The following SORCS1 variants were observed in gnomAD, a reference collection of about 807,000 sequenced individuals.
SORCS1 encodes the protein VPS10 domain-containing receptor SorCS1.
SORCS1 carries 60 observed loss-of-function variants against 146.1 expected under a neutral mutation model. That is an observed-to-expected ratio of 0.41 (90% confidence interval 0.33 to 0.51). The LOEUF (loss-of-function observed/expected upper bound fraction) is 0.51, where lower values mean the gene tolerates loss of function less well. Among genes scored for constraint, SORCS1 ranks in the 20% least tolerant of loss-of-function variants. The pLI, the probability that SORCS1 is intolerant of heterozygous loss-of-function variation, is 0.21. For synonymous variants in SORCS1, 637 were observed against 584.0 expected (o/e 1.09, Z -1.31); for missense variants, 1,352 against 1,487.6 (o/e 0.91, Z 1.50).
intron 2 of SORCS1, among the ~76,000 whole-genome samples, chr10:106,921,430 A>C (rs373745598): frequency 2.0e-5 from 3 of 152,206 alleles, no homozygotes; most frequent in African/African-American, 7.2e-5. Flanking sequence ...GCATAATTTC[A>C]TCTAGATATA....
intron 23 of SORCS1, among the ~76,000 whole-genome samples, chr10:106,601,095 C>T (rs921138334): frequency 3.3e-5 from 5 of 152,040 alleles, no homozygotes; most frequent in South Asian, 2.1e-4. Context: ...GGAGAGTCTT[C>T]GGCTATAGAA....
At chr10:106,638,004 A>G (rs1297420201) in intron 18 of SORCS1, among the ~76,000 whole-genome samples, 1 of 152,236 alleles carries the variant, frequency 6.6e-6, no homozygotes, top group African/African-American at 2.4e-5. Context: ...GTGTAAGCAG[A>G]TAATGACTAT....
At chr10:106,945,660 G>A (rs1362702486) in intron 2 of SORCS1, among the ~76,000 whole-genome samples, 2 of 152,296 alleles carry the variant, frequency 1.3e-5, no homozygotes, top group South Asian at 2.1e-4. Flanking sequence ...GCTTTCTCTA[G>A]TAAAATTTTT....
At chr10:107,117,288 T>A (rs1966099792) in intron 1 of SORCS1, among the ~76,000 whole-genome samples, 1 of 152,170 alleles carries the variant, frequency 6.6e-6, no homozygotes, top group Non-Finnish European at 1.5e-5. Context: ...GGCTTTGTTG[T>A]TTTTGCAGCA....
At chr10:106,650,842 A>T (rs914603957) in intron 18 of SORCS1, among the ~76,000 whole-genome samples, 1 of 151,432 alleles carries the variant, frequency 6.6e-6, no homozygotes, top group Non-Finnish European at 1.5e-5. Context: ...AGTTCTCTTA[A>T]CTCCTAGTCC....
At chr10:107,013,576 C>G (rs1295867261) in intron 1 of SORCS1, among the ~76,000 whole-genome samples, 1 of 152,082 alleles carries the variant, frequency 6.6e-6, no homozygotes, top group African/African-American at 2.4e-5. Flanking sequence ...ATGGGGCTGT[C>G]TTTGTATTTA....
chr10:106,967,622 G>T (rs1955559680), intron 1 of SORCS1, among the ~76,000 whole-genome samples: 1 of 152,196 alleles, frequency 6.6e-6, no homozygotes, highest in Non-Finnish European at 1.5e-5. Context: ...ACTTAGCATG[G>T]TTGTCTCCAG....
intron 1 of SORCS1, among the ~76,000 whole-genome samples, chr10:107,143,020 C>T (rs1472354993): frequency 6.6e-6 from 1 of 152,184 alleles, no homozygotes; most frequent in Non-Finnish European, 1.5e-5. Flanking sequence ...GATATCACAT[C>T]ACTCTTGATC....
At chr10:107,130,400 A>G (rs1333247451) in intron 1 of SORCS1, among the ~76,000 whole-genome samples, 1 of 152,256 alleles carries the variant, frequency 6.6e-6, no homozygotes, top group Non-Finnish European at 1.5e-5. Context: ...AGTAGAAAAC[A>G]TATTGCTAAA....
chr10:106,652,354 G>T, intron 18 of SORCS1, 28 bp downstream of exon 18: 1 of 1,554,928 alleles, frequency 6.4e-7, no homozygotes. Flanking sequence ...GCCCTAGAAA[G>T]TAGGGGGGAG....
At chr10:107,111,957 A>G (rs890010992) in intron 1 of SORCS1, among the ~76,000 whole-genome samples, 49 of 152,276 alleles carry the variant, frequency 3.2e-4, no homozygotes, top group Non-Finnish European at 4.1e-4. Flanking sequence ...GCCAACTAAC[A>G]ATATTATACT....
intron 8 of SORCS1, among the ~76,000 whole-genome samples, chr10:106,699,666 G>T (rs1853982771): frequency 6.6e-6 from 1 of 152,148 alleles, no homozygotes; most frequent in Non-Finnish European, 1.5e-5. Flanking sequence ...TTCGAAAAAT[G>T]CTTTCTTAAA....
intron 2 of SORCS1, among the ~76,000 whole-genome samples, chr10:106,857,289 T>C (rs1949825480): frequency 6.6e-6 from 1 of 152,290 alleles, no homozygotes; most frequent in African/African-American, 2.4e-5. Context: ...TCTCCTTCCC[T>C]ACCCAAAACC....
At chr10:106,946,245 G>C (rs1299778594) in intron 2 of SORCS1, among the ~76,000 whole-genome samples, 1 of 152,124 alleles carries the variant, frequency 6.6e-6, no homozygotes, top group East Asian at 1.9e-4. Context: ...TACTTAATAA[G>C]ACCAGTTCTA....
intron 15 of SORCS1, 33 bp downstream of exon 15, chr10:106,672,835 C>T (rs1414406332): frequency 4.4e-6 from 7 of 1,581,300 alleles, no homozygotes; most frequent in African/African-American, 2.7e-5. Context: ...ATGCTTCCTG[C>T]CCAGGCCTTA....
At chr10:106,986,786 G>A (rs376132981) in intron 1 of SORCS1, among the ~76,000 whole-genome samples, 4 of 152,078 alleles carry the variant, frequency 2.6e-5, no homozygotes, top group Admixed American at 1.3e-4. Context: ...ATTTTAGATC[G>A]TATGTTTTCA....
intron 1 of SORCS1, among the ~76,000 whole-genome samples, chr10:107,059,892 C>G (rs77307985): frequency 6.6e-6 from 1 of 151,402 alleles, no homozygotes; most frequent in African/African-American, 2.4e-5. Context: ...AAAAAAAAAC[C>G]CTCAGTAATC....
chr10:107,159,835 C>A (rs1590273031), intron 1 of SORCS1, among the ~76,000 whole-genome samples: 1 of 151,366 alleles, frequency 6.6e-6, no homozygotes. Context: ...AGGTCAGCTC[C>A]TCCCCACCGA....
At chr10:107,050,165 AG>A (rs140476995) in intron 1 of SORCS1, among the ~76,000 whole-genome samples, 19 of 152,354 alleles carry the variant, frequency 1.2e-4, no homozygotes, top group Middle Eastern at 6.8e-3. Context: ...TATATTTGTT[AG>A]TTGTATTCCT....
Sources: gnomAD v4.1 joint callset for allele counts (sites outside exome capture counted in the v4.1 genomes callset) on GRCh38, gnomAD v4.1.1 for gene constraint, MANE v1.5 for transcripts, NCBI Gene and HGNC (gene_info 2026-07-23, HGNC 2026-07-21) for gene names.